The following NAV2 variants were observed in gnomAD, a reference collection of about 807,000 sequenced individuals.
NAV2 encodes neuron navigator 2, also known as helicase, APC down-regulated 1.
A neutral mutation model predicts 223.2 loss-of-function variants in NAV2; 54 were observed. The ratio of observed to expected loss-of-function variants is 0.24; its 90% CI spans 0.19 to 0.30. The LOEUF (loss-of-function observed/expected upper bound fraction) is 0.30. Ranked by LOEUF, NAV2 falls within the 10% of genes least tolerant of loss-of-function variation. The pLI is 1.00. For synonymous variants in NAV2, 1,279 were observed against 1,239.3 expected (o/e 1.03, Z -0.67); for missense variants, 2,806 against 3,147.5 (o/e 0.89, Z 2.60).
At chr11:19,643,352 C>T (rs1190668986) in intron 1 of NAV2, among the ~76,000 whole-genome samples, 1 of 127,534 alleles carries the variant, frequency 7.8e-6, no homozygotes, top group African/African-American at 3.0e-5. Context: ...GTGTGATGTT[C>T]CCCTTCCTGT....
chr11:19,619,927 T>C lies in NAV2; in HGVS notation c.76-212557T>C, dbSNP rs575079031. Among the ~76,000 whole-genome samples the C allele has an allele frequency of 7.2e-5, 11 of 152,348 alleles. No individual in the cohort carries two copies. In the South Asian group the frequency reaches 2.3e-3, roughly 32 times the overall value. On this transcript the variant is annotated intron_variant, in intron 1 of 37. Transcript: ENST00000360655. ...TGTAAGTCTTTAATCCATCTTAAAT[T>C]AATTTTTGTATAAGGTGTAAGGAAG... is the stretch of plus-strand genomic sequence containing the variant.
chr11:19,891,904 C>T (rs952670845), intron 5 of NAV2, among the ~76,000 whole-genome samples: 11 of 152,018 alleles, frequency 7.2e-5, no homozygotes, highest in African/African-American at 2.7e-4. Context: ...CTGGCTTGAC[C>T]CTATTCAAAA....
chr11:20,046,084 C>A (rs2057392427), intron 14 of NAV2, among the ~76,000 whole-genome samples: 1 of 152,154 alleles, frequency 6.6e-6, no homozygotes, highest in South Asian at 2.1e-4. Context: ...GCCTGTAATC[C>A]CAGCACTTTG....
chr11:19,981,023 T>A (rs2050243057), intron 10 of NAV2, among the ~76,000 whole-genome samples: 2 of 152,188 alleles, frequency 1.3e-5, no homozygotes, highest in Non-Finnish European at 2.9e-5. Flanking sequence ...CCCATTTTCC[T>A]TATCACTCTG....
At chr11:19,939,796 CTG>C (rs768551458) in intron 8 of NAV2, 23 bp downstream of exon 8, 1 of 1,589,532 alleles carries the variant, frequency 6.3e-7, no homozygotes, top group South Asian at 1.1e-5. Flanking sequence ...CCTCAGAAAT[CTG>C]TGTCTGTTGG....
chr11:19,662,649 T>C (rs951561705), intron 1 of NAV2, among the ~76,000 whole-genome samples: 2 of 152,250 alleles, frequency 1.3e-5, no homozygotes, highest in African/African-American at 2.4e-5. Flanking sequence ...CAGGCCTGCC[T>C]GTGAGCCTTC....
rs1052938418 is a variant in NAV2, at chr11:19,933,362, T to C, written c.1118T>C (p.Met373Thr). 2 of 1,598,920 alleles carry C rather than the reference T, an allele frequency of 1.3e-6. No homozygotes were observed. Among genetic ancestry groups the C allele is most frequent in the African/African-American group, 2.7e-5 (2 of 74,378 alleles). Residue 373 changes from methionine (M) to threonine (T), a missense_variant, in exon 7 of 38, where the codon ATG (methionine) becomes ACG (threonine). Met to Thr is a moderately conservative substitution (Grantham distance 81). Transcript: ENST00000349880. The surrounding 1 kb of genome is among the most constrained non-coding windows in gnomAD (Gnocchi z 4.3). ...GTGAAGCACAGTGCCACGGTATCCA[T>C]GCTCTCGGTCAAGCCTCCTGGGCCT... ...LSVKHSATVS[M>T]LSVKPPGPEA... is the part of the protein sequence containing the mutation.
rs763652765 is a variant in NAV2 at position 19,684,692 on chromosome 11, GAC to G, written c.76-147789_76-147788del. On this transcript the variant is annotated intron_variant, in intron 1 of 37. Coordinates refer to the NAV2 transcript ENST00000360655. Reference sequence around the variant, plus strand: ...CTGCAAGCCCAGTGCCAACCCCACAGACACCAGAGTGAGGAATATATTTCTCC... The same window carrying G: ...CTGCAAGCCCAGTGCCAACCCCACAGACCAGAGTGAGGAATATATTTCTCC... Among the ~76,000 whole-genome samples the G allele has an allele frequency of 4.6e-5, 7 of 152,080 alleles. No homozygotes were observed. The East Asian group carries it at 7.7e-4, about 17-fold the overall frequency.
intron 1 of NAV2, among the ~76,000 whole-genome samples, chr11:19,480,698 A>G (rs896442742): frequency 2.0e-5 from 3 of 152,226 alleles, no homozygotes; most frequent in Admixed American, 6.5e-5. Flanking sequence ...CACAGCATAC[A>G]TTAAATATGG....
chr11:19,902,898 A>T (rs557134474), intron 6 of NAV2, among the ~76,000 whole-genome samples: 2,161 of 152,342 alleles, frequency 0.014, 57 homozygotes, highest in African/African-American at 0.05. Flanking sequence ...TTCTGTGAGC[A>T]TATGTAGCCC....
chr11:19,698,855 C>T (rs749220739), intron 1 of NAV2, among the ~76,000 whole-genome samples: 104 of 152,004 alleles, frequency 6.8e-4, no homozygotes, highest in Non-Finnish European at 1.1e-3. Flanking sequence ...TGTGTGTAGG[C>T]GGGTAAGAAA....
chr11:19,595,517 G>A (rs1156773546), intron 1 of NAV2, among the ~76,000 whole-genome samples: 1 of 152,100 alleles, frequency 6.6e-6, no homozygotes, highest in East Asian at 1.9e-4. Context: ...ACTTGATCAA[G>A]GTTCTCCAGT....
At chr11:19,570,907 C>T (rs189129435) in intron 1 of NAV2, among the ~76,000 whole-genome samples, 17 of 152,242 alleles carry the variant, frequency 1.1e-4, no homozygotes, top group African/African-American at 3.6e-4. Context: ...CATGGAATTA[C>T]CATATGACCC....
At chr11:19,780,591 C>T (rs1320705710) in intron 1 of NAV2, among the ~76,000 whole-genome samples, 4 of 152,262 alleles carry the variant, frequency 2.6e-5, no homozygotes, top group Admixed American at 2.0e-4. Context: ...GAGCCACTGC[C>T]TTGTGACATG....
At chr11:19,431,357 C>T (rs1428121634) in intron 1 of NAV2, among the ~76,000 whole-genome samples, 1 of 152,128 alleles carries the variant, frequency 6.6e-6, no homozygotes, top group Non-Finnish European at 1.5e-5. Flanking sequence ...CTGCAGTGTA[C>T]CCATCTTAGT....
chr11:19,951,925 GT>G (rs2047430859), intron 10 of NAV2, among the ~76,000 whole-genome samples: 1 of 152,178 alleles, frequency 6.6e-6, no homozygotes, highest in African/African-American at 2.4e-5. Flanking sequence ...TTCTCTTCCT[GT>G]TCCTTTTAAT....
chr11:19,508,882 G>C (rs979519334), intron 1 of NAV2, among the ~76,000 whole-genome samples: 1 of 152,170 alleles, frequency 6.6e-6, no homozygotes, highest in African/African-American at 2.4e-5. Flanking sequence ...TGCAAGGTGA[G>C]CCCTTCATAA....
At chr11:19,415,901 A>C (rs1590163273) in intron 1 of NAV2, among the ~76,000 whole-genome samples, 1 of 152,286 alleles carries the variant, frequency 6.6e-6, no homozygotes, top group East Asian at 1.9e-4. Context: ...ACACCCCTTC[A>C]TGCTAAAAAC....
intron 3 of NAV2, among the ~76,000 whole-genome samples, chr11:19,859,592 T>TC (rs2061576793): frequency 6.6e-6 from 1 of 151,678 alleles, no homozygotes; most frequent in African/African-American, 2.4e-5. Context: ...TCCCCACCTT[T>TC]CCCCCCTTTC....
Sources: allele counts gnomAD v4.1 joint callset (sites outside exome capture counted in the v4.1 genomes callset), GRCh38; gene constraint gnomAD v4.1.1; non-coding constraint Gnocchi (gnomAD v3.1); transcripts MANE v1.5; gene names NCBI Gene and HGNC (gene_info 2026-07-23, HGNC 2026-07-21).